Variants in TUSC3 observed in about 807,000 individuals in gnomAD.
TUSC3 encodes the protein dolichyl-diphosphooligosaccharide--protein glycosyltransferase subunit TUSC3.
Under a neutral mutation model 44.8 loss-of-function variants are expected in TUSC3, and 45 were observed. That is an observed-to-expected ratio of 1.00 (90% CI 0.79 to 1.29). The LOEUF is 1.29. Ranked by LOEUF, TUSC3 falls within the 50% of genes most tolerant of loss-of-function variation. The pLI, the probability that TUSC3 is intolerant of heterozygous loss-of-function variation, is 0.00. For missense variants in TUSC3, 519 were observed against 437.9 expected (o/e 1.19, Z -1.65); for synonymous variants, 212 against 152.9 (o/e 1.39, Z -2.85).
At chr8:15,463,801 A>G (rs1018992683) in intron 1 of TUSC3, among the ~76,000 whole-genome samples, 1 of 152,206 alleles carries the variant, frequency 6.6e-6, no homozygotes, top group Non-Finnish European at 1.5e-5. Context: ...ACACTACTAT[A>G]GCCAAGCAAT....
chr8:15,582,740 T>C (rs1178268157), intron 1 of TUSC3, among the ~76,000 whole-genome samples: 1 of 152,216 alleles, frequency 6.6e-6, no homozygotes, highest in Non-Finnish European at 1.5e-5. Flanking sequence ...ACCAGTTTTA[T>C]CTAATAGCTG....
At chr8:15,792,468 G>C in the TUSC3 span, among the ~76,000 whole-genome samples, 1 of 152,168 alleles carries the variant, frequency 6.6e-6, no homozygotes, top group Non-Finnish European at 1.5e-5. Flanking sequence ...GTTGAATTTA[G>C]CCTAGAGTAA....
chr8:15,598,603 C>T (rs1211249094), intron 1 of TUSC3, among the ~76,000 whole-genome samples: 1 of 61,382 alleles, frequency 1.6e-5, no homozygotes, highest in African/African-American at 6.0e-5. Context: ...CTTCCTCCTT[C>T]TCCAGTCTCC....
At chr8:15,504,599 ATATATATATATATATATATATAT>A (rs1333564778) in intron 2 of TUSC3, among the ~76,000 whole-genome samples, 4 of 35,912 alleles carry the variant, frequency 1.1e-4, no homozygotes, top group African/African-American at 1.6e-4. Context: ...ATATATATAT[ATATATATATATATATATATATAT>A]TTTTTTTTTT....
At chr8:15,574,419 G>A (rs1033453594) in intron 1 of TUSC3, among the ~76,000 whole-genome samples, 1 of 152,072 alleles carries the variant, frequency 6.6e-6, no homozygotes, top group Non-Finnish European at 1.5e-5. Flanking sequence ...TACATGTTTT[G>A]TTGTCATTCT....
In TUSC3 at chr8:15,719,408, G is replaced by GTCAATTGTCAATACTT. The variant is rs1471975219; in HGVS notation, c.799-11258_799-11257insTCAATTGTCAATACTT. On this transcript the variant is annotated intron_variant, in intron 6 of 10. Coordinates refer to ENST00000503731, the MANE Select transcript of TUSC3 (RefSeq NM_006765.4). ...CTTCTTCCTATTTAAATTGCAACCT[G>GTCAATTGTCAATACTT]CTCCCCATTGTCAATACTTCTGACT... Among the ~76,000 whole-genome samples the GTCAATTGTCAATACTT allele has an allele frequency of 2.6e-5, 4 of 151,308 alleles. No individual in the cohort carries two copies. The East Asian group carries it at 7.8e-4, about 30-fold the overall frequency.
At chr8:15,635,322 AGGAGAG>A (rs2129169531) in intron 2 of TUSC3, among the ~76,000 whole-genome samples, 1 of 152,312 alleles carries the variant, frequency 6.6e-6, no homozygotes, top group South Asian at 2.1e-4. Context: ...GGACAAAAAG[AGGAGAG>A]GAAGTCGAGT....
At chr8:15,676,646 C>T (rs1404080721) in intron 6 of TUSC3, among the ~76,000 whole-genome samples, 2 of 152,102 alleles carry the variant, frequency 1.3e-5, no homozygotes, top group East Asian at 3.9e-4. Context: ...TCTCAACTTT[C>T]AGGGCAACTA....
intron 1 of TUSC3, among the ~76,000 whole-genome samples, chr8:15,466,309 G>A (rs1800413880): frequency 6.6e-6 from 1 of 152,076 alleles, no homozygotes; most frequent in African/African-American, 2.4e-5. Flanking sequence ...GAATTTCTTT[G>A]GCACTGAAGC....
intron 1 of TUSC3, among the ~76,000 whole-genome samples, chr8:15,419,394 C>T (rs1313434151): frequency 2.0e-5 from 3 of 152,140 alleles, no homozygotes; most frequent in African/African-American, 7.2e-5. Context: ...TATCTTATTG[C>T]TGAAGTCAGT....
the TUSC3 span, among the ~76,000 whole-genome samples, chr8:15,781,253 T>A: frequency 6.6e-6 from 1 of 152,176 alleles, no homozygotes; most frequent in African/African-American, 2.4e-5. Flanking sequence ...ACTCTCGGCT[T>A]CATGATGGGG....
upstream of TUSC3, among the ~76,000 whole-genome samples, chr8:15,537,329 C>A (rs11783569): frequency 3.3e-5 from 5 of 152,104 alleles, no homozygotes; most frequent in South Asian, 2.1e-4. Context: ...CACTTTAAGT[C>A]GTCCTGCCTT....
In TUSC3 at chr8:15,742,880, G is replaced by A. The variant is rs74367573; in HGVS notation, c.863-658G>A. On this transcript the variant is annotated intron_variant, in intron 7 of 10. Coordinates refer to ENST00000503731, the MANE Select transcript of TUSC3 (RefSeq NM_006765.4). ...AAAATTTCCCATTTTCTTAATTCTGGCATTATTCAACATAGCATGAATATA... is the reference window on the plus strand; with the variant it reads ...AAAATTTCCCATTTTCTTAATTCTGACATTATTCAACATAGCATGAATATA... Among the ~76,000 whole-genome samples, 1,738 of 152,208 alleles carry A rather than the reference G, an allele frequency of 0.011. 70 individuals carry two copies. In the East Asian group the frequency reaches 0.14, roughly 12 times the overall value.
rs55661131 is a variant in TUSC3 at position 15,448,108 on chromosome 8, C to CATATACATATATATATATATATAT, written n.91+30808_91+30809insCATATATATATATATATATATATA. Among the ~76,000 whole-genome samples, 194 of 96,414 alleles carry CATATACATATATATATATATATAT rather than the reference C, an allele frequency of 2.0e-3. 21 individuals are homozygous for CATATACATATATATATATATATAT. Among genetic ancestry groups the CATATACATATATATATATATATAT allele is most frequent in the African/African-American group, 9.0e-3 (174 of 19,290 alleles). The allele number at this position is 96,414 out of a possible 152,430, so 63.3% of individuals were successfully genotyped here. ...ATTCAACTGTATGGTAGTGTATATA[C>CATATACATATATATATATATATAT]ATATATATATATTTATTTATTTATT... On this transcript the variant is annotated intron_variant and non_coding_transcript_variant, in intron 1 of 5. Coordinates refer to the TUSC3 transcript ENST00000503191.
intron 1 of TUSC3, among the ~76,000 whole-genome samples, chr8:15,466,218 T>G (rs1189982731): frequency 6.6e-6 from 1 of 152,194 alleles, no homozygotes; most frequent in East Asian, 1.9e-4. Context: ...GGCCTAACTG[T>G]AGCAGACACA....
intron 1 of TUSC3, among the ~76,000 whole-genome samples, chr8:15,419,258 T>C (rs1359417202): frequency 1.3e-5 from 2 of 152,182 alleles, no homozygotes; most frequent in Admixed American, 1.3e-4. Context: ...TCACCAATTG[T>C]CAAGTGTCAC....
chr8:15,513,963 C>G (rs963003037), intron 2 of TUSC3, among the ~76,000 whole-genome samples: 5 of 152,176 alleles, frequency 3.3e-5, no homozygotes, highest in Admixed American at 1.3e-4. Flanking sequence ...CCTTCATGCT[C>G]TCAGCTCCCT....
intron 6 of TUSC3, among the ~76,000 whole-genome samples, chr8:15,690,720 C>G (rs1412452078): frequency 6.6e-6 from 1 of 152,140 alleles, no homozygotes; most frequent in Non-Finnish European, 1.5e-5. Flanking sequence ...CTGCATATGG[C>G]TAGCAAGTTA....
intron 1 of TUSC3, among the ~76,000 whole-genome samples, chr8:15,604,912 TC>T (rs1379761417): frequency 1.3e-5 from 2 of 151,880 alleles, no homozygotes; most frequent in Non-Finnish European, 2.9e-5. Flanking sequence ...TATCTGTTTT[TC>T]TCTAATGGTT....
Sources: allele counts gnomAD v4.1 joint callset (sites outside exome capture counted in the v4.1 genomes callset), GRCh38; gene constraint gnomAD v4.1.1; transcripts MANE v1.5; gene names NCBI Gene and HGNC (gene_info 2026-07-23, HGNC 2026-07-21).